NOSTRIN: variants seen among roughly 807,000 people sequenced by gnomAD.
NOSTRIN encodes nitric oxide synthase trafficking, also known as BM247 homolog.
In NOSTRIN, 63 loss-of-function variants were observed where a neutral mutation model predicts 59.0. The observed-to-expected ratio is 1.07, with a 90% CI of 0.87 to 1.32. The LOEUF (loss-of-function observed/expected upper bound fraction) is 1.32. Ranked by LOEUF, NOSTRIN falls within the 40% of genes most tolerant of loss-of-function variation. The probability of loss-of-function intolerance (pLI) is 0.00; values close to 1 mark genes in which losing one functional copy is unlikely to be tolerated. For synonymous variants in NOSTRIN, 200 were observed against 165.4 expected (o/e 1.21, Z -1.61); for missense variants, 512 against 473.1 (o/e 1.08, Z -0.76).
intron 1 of NOSTRIN, among the ~76,000 whole-genome samples, chr2:168,805,407 G>C (rs923397985): frequency 6.6e-6 from 1 of 152,178 alleles, no homozygotes; most frequent in Non-Finnish European, 1.5e-5. Flanking sequence ...GCCTATGAAG[G>C]TTTAGGTTTA....
chr2:168,851,428 A>C (rs759217666), intron 10 of NOSTRIN, 24 bp downstream of exon 10: 2 of 1,586,782 alleles, frequency 1.3e-6, no homozygotes, highest in Non-Finnish European at 1.7e-6. Flanking sequence ...GGAAAAAAAA[A>C]GTTACATTAA....
At chr2:168,789,254 G>T (rs985868276) in intron 2 of NOSTRIN, among the ~76,000 whole-genome samples, 22 of 152,220 alleles carry the variant, frequency 1.4e-4, no homozygotes, top group African/African-American at 5.3e-4. Context: ...TGGTGTATTA[G>T]TTTGTTCTCA....
chr2:168,823,422 C>T (rs770913882), intron 2 of NOSTRIN, among the ~76,000 whole-genome samples: 1 of 152,150 alleles, frequency 6.6e-6, no homozygotes, highest in Non-Finnish European at 1.5e-5. Context: ...GTCAGAGGTG[C>T]GTTCTGAGGG....
intron 10 of NOSTRIN, among the ~76,000 whole-genome samples, chr2:168,854,794 T>C (rs2685799): frequency 0.42 from 63,749 of 151,894 alleles, 14,286 homozygotes; most frequent in South Asian, 0.62. Flanking sequence ...GTAGCATTCG[T>C]GAATGCATGT....
At chr2:168,822,745 A>G (rs1462738719) in intron 2 of NOSTRIN, among the ~76,000 whole-genome samples, 1 of 152,212 alleles carries the variant, frequency 6.6e-6, no homozygotes, top group Non-Finnish European at 1.5e-5. Context: ...GAATGATTCA[A>G]TCTATCCAAA....
chr2:168,826,700 C>A (rs916805163), intron 3 of NOSTRIN, among the ~76,000 whole-genome samples: 1 of 152,192 alleles, frequency 6.6e-6, no homozygotes, highest in African/African-American at 2.4e-5. Flanking sequence ...AGAAATGTGC[C>A]TGACTTCATT....
At chr2:168,838,620 G>T (rs1309750977) in intron 7 of NOSTRIN, among the ~76,000 whole-genome samples, 1 of 151,730 alleles carries the variant, frequency 6.6e-6, no homozygotes, top group Non-Finnish European at 1.5e-5. Context: ...TCTTTTGCTT[G>T]GTTTTTTGTA....
At chr2:168,834,676 C>A (rs1224194614) in intron 7 of NOSTRIN, among the ~76,000 whole-genome samples, 2 of 151,798 alleles carry the variant, frequency 1.3e-5, no homozygotes, top group Non-Finnish European at 2.9e-5. Flanking sequence ...ACTACAGGAG[C>A]ATGCTACTTT....
Position 168,787,339 on chromosome 2 carries a change from G to A in NOSTRIN, c.-660-522G>A, listed in dbSNP as rs1281610725. ...CACTGTCTCAGAATGTGCCATGCCT[G>A]TGACAGCTCCAGGACTCTGGCCATA... On this transcript the variant is annotated intron_variant, in intron 1 of 20. Transcript: ENST00000458381. 2.0e-5 allele frequency among the ~76,000 whole-genome samples: 3 copies of A among 152,126 alleles called. No individual in the cohort carries two copies. The East Asian group carries it at 5.8e-4, about 29-fold the overall frequency.
At chr2:168,860,369 C>T (rs1305704626) in intron 13 of NOSTRIN, among the ~76,000 whole-genome samples, 1 of 152,108 alleles carries the variant, frequency 6.6e-6, no homozygotes, top group Non-Finnish European at 1.5e-5. Flanking sequence ...TATTTATACC[C>T]CTCAGTTTAA....
chr2:168,862,051 T>TAAGA lies in NOSTRIN; in HGVS notation c.1384+4_1384+7dup, dbSNP rs759245491. 5.6e-6 allele frequency: 9 copies of TAAGA among 1,612,826 alleles called. No homozygotes were observed. Among genetic ancestry groups the TAAGA allele is most frequent in the East Asian group, 2.2e-5 (1 of 44,890 alleles). Reference sequence around the variant, plus strand: ...ATGATGAGTTGAATTTGGAAAAGGGTAAGAATCATTCTCAAATATTTTAAT... The same window carrying TAAGA: ...ATGATGAGTTGAATTTGGAAAAGGGTAAGAAAGAATCATTCTCAAATATTTTAAT... On this transcript the variant is annotated splice_region_variant and intron_variant, in intron 15 of 15. Coordinates refer to ENST00000317647, the MANE Select transcript of NOSTRIN (RefSeq NM_001039724.4).
intron 7 of NOSTRIN, among the ~76,000 whole-genome samples, 182 bp downstream of exon 7, chr2:168,834,507 G>GCGCGCACGCACA (rs756381301): frequency 8.0e-6 from 1 of 125,342 alleles, no homozygotes; most frequent in Non-Finnish European, 1.7e-5. Context: ...GCGCGCGCGC[G>GCGCGCACGCACA]CACACACACA....
upstream of NOSTRIN, among the ~76,000 whole-genome samples, chr2:168,797,079 CTT>C (rs775176252): frequency 4.1e-3 from 307 of 74,982 alleles, 1 homozygote; most frequent in African/African-American, 0.013. Context: ...TTTCTTTTTT[CTT>C]TTTTTTTTTT....
chr2:168,839,884 C>CAAAAAAAAAAAAAAAA (rs58341006), intron 7 of NOSTRIN, among the ~76,000 whole-genome samples: 1 of 31,158 alleles, frequency 3.2e-5, no homozygotes, highest in Non-Finnish European at 4.7e-5. Flanking sequence ...GACTCCGTCT[C>CAAAAAAAAAAAAAAAA]AAAAAAAAAA....
chr2:168,802,340 GT>G (rs1166167179), upstream of NOSTRIN: 7 of 332,948 alleles, frequency 2.1e-5, no homozygotes, highest in Admixed American at 1.2e-4. Flanking sequence ...TTGGAGACAT[GT>G]TACAGCTTCT....
intron 2 of NOSTRIN, among the ~76,000 whole-genome samples, chr2:168,788,255 A>C (rs2105492806): frequency 6.6e-6 from 1 of 152,006 alleles, no homozygotes; most frequent in South Asian, 2.1e-4. Context: ...AAAAAAAAAA[A>C]AAGATGATGA....
intron 15 of NOSTRIN, among the ~76,000 whole-genome samples, chr2:168,862,445 A>ATGTC (rs1160118638): frequency 2.0e-5 from 3 of 152,204 alleles, no homozygotes; most frequent in African/African-American, 7.2e-5. Context: ...CTAGGGTAGA[A>ATGTC]TGTCAGTGAT....
intron 7 of NOSTRIN, among the ~76,000 whole-genome samples, chr2:168,838,552 T>G (rs1687872572): frequency 6.6e-6 from 1 of 152,100 alleles, no homozygotes; most frequent in African/African-American, 2.4e-5. Flanking sequence ...AAATACTTCT[T>G]GAATATCTTT....
intron 8 of NOSTRIN, among the ~76,000 whole-genome samples, chr2:168,848,154 AAACAACTGAGCAGAATTTGTTTT>A: frequency 6.6e-6 from 1 of 152,248 alleles, no homozygotes; most frequent in African/African-American, 2.4e-5. Flanking sequence ...TAGGAGATCC[AAACAACTGAGCAGAATTTGTTTT>A]ACGTATTTGT....
Sources: allele counts gnomAD v4.1 joint callset (sites outside exome capture counted in the v4.1 genomes callset), GRCh38; gene constraint gnomAD v4.1.1; transcripts MANE v1.5; gene names NCBI Gene and HGNC (gene_info 2026-07-23, HGNC 2026-07-21).